SYP: variants seen among roughly 807,000 people sequenced by gnomAD.
The protein encoded by SYP is major synaptic vesicle protein P38.
A neutral mutation model predicts 24.3 loss-of-function variants in SYP; 2 were observed. That is an observed-to-expected ratio of 0.08 (90% CI 0.03 to 0.26). The LOEUF (loss-of-function observed/expected upper bound fraction) is 0.26, where lower values mean the gene tolerates loss of function less well. Ranked by LOEUF, SYP falls within the 10% of genes least tolerant of loss-of-function variation. The pLI is 1.00. For synonymous variants in SYP, 143 were observed against 123.2 expected (o/e 1.16, Z -1.07); for missense variants, 216 against 266.3 (o/e 0.81, Z 1.32).
rs1057515926 is a variant in SYP, at chrX:49,191,602, G to A, written c.777C>T (p.Pro259=). The A allele has an allele frequency of 7.4e-6, 9 of 1,208,363 alleles. No homozygotes were observed. The highest frequency in any genetic ancestry group is 6.7e-6 in the Non-Finnish European group (6 of 894,579). Residue 259 remains proline, a synonymous_variant, in exon 6 of 7, where the codon CCC becomes CCT. Transcript: ENST00000263233. ...AGGAATCCTGGGGCCCGTACCCGCC[G>A]GGGCCCTGCCCGTAGCCTGCATCGC... ...AYGDAGYGQG[P]GGYGPQDSYG... is the part of the protein sequence containing the mutation.
intron 3 of SYP, 40 bp downstream of exon 3, chrX:49,197,675 C>A: frequency 8.3e-7 from 1 of 1,199,479 alleles, no homozygotes; most frequent in Admixed American, 2.2e-5. Context: ...CCTGCCCCTT[C>A]CTCTCCCAGG....
chrX:49,194,716 T>TTC (rs2065522574), intron 3 of SYP, among the ~76,000 whole-genome samples: 1 of 91,496 alleles, frequency 1.1e-5, no homozygotes, highest in Non-Finnish European at 2.2e-5. Context: ...TTTTTTTTTT[T>TTC]TTTTTTTTTT....
chrX:49,197,992 G>A (rs1018117663), intron 2 of SYP, 153 bp from the exon 3 acceptor site: 2 of 685,893 alleles, frequency 2.9e-6, no homozygotes, highest in African/African-American at 4.4e-5. Flanking sequence ...CGGGACCAAG[G>A]ACAAGCTGAT....
At chrX:49,197,281 C>T (rs138921446) in intron 3 of SYP, 1,262 of 124,760 alleles carry the variant, frequency 0.01, 21 homozygotes, top group African/African-American at 0.039. Context: ...CTGTGCCTGG[C>T]GGGAGTTGGG....
rs1557102979 is a variant in SYP, at chrX:49,193,288, C to T, written c.599G>A (p.Gly200Glu). The T allele has an allele frequency of 8.3e-7, 1 of 1,210,738 alleles. No homozygotes were observed. Among genetic ancestry groups the T allele is most frequent in the African/African-American group, 1.7e-5 (1 of 57,477 alleles). The change falls in exon 5 of 7, where the codon GGA becomes GAA. Residue 200 changes from glycine to glutamate, a missense_variant. By Grantham distance (98) the Gly-to-Glu change is moderately conservative. Coordinates refer to ENST00000263233, the MANE Select transcript of SYP (RefSeq NM_003179.3). Reference sequence around the variant, plus strand: ...AGGGCTTACCACCGAGGTGTTGAGTCCCGAGGTCACAGGGTCTCTCAGCTC... The same window carrying T: ...AGGGCTTACCACCGAGGTGTTGAGTTCCGAGGTCACAGGGTCTCTCAGCTC... ...CKELRDPVTS[G>E]LNTSVVFGFL...
chrX:49,199,646 G>C (rs1211685852), intron 1 of SYP, among the ~76,000 whole-genome samples: 1 of 105,909 alleles, frequency 9.4e-6, no homozygotes, highest in African/African-American at 3.5e-5. Flanking sequence ...GAGGAGGCTG[G>C]GGGTTTTGGA....
At chrX:49,197,983 G>C in intron 2 of SYP, 144 bp from the exon 3 acceptor site, 2 of 757,916 alleles carry the variant, frequency 2.6e-6, no homozygotes, top group Non-Finnish European at 2.0e-6. Context: ...AGGGCTCATC[G>C]GGACCAAGGA....
chrX:49,200,109 C>T, intron 1 of SYP, 42 bp downstream of exon 1: 1 of 1,162,693 alleles, frequency 8.6e-7, no homozygotes, highest in Non-Finnish European at 1.1e-6. Context: ...GCCTAGGCAG[C>T]CGGGCGGCGG....
Position 49,197,687 on chromosome X carries a change from C to T in SYP, c.227+28G>A, listed in dbSNP as rs782420898. The stretch of plus-strand genomic sequence containing the variant: ...CACCCTGCCCCTTCCTCTCCCAGGT[C>T]TGTTGGTATCCCAGGGTGGGAGCAC... On this transcript the variant is annotated intron_variant, in intron 3 of 6. Coordinates refer to ENST00000263233, the MANE Select transcript of SYP (RefSeq NM_003179.3). 5 of 1,202,162 alleles carry T rather than the reference C, an allele frequency of 4.2e-6. No homozygotes were observed. In the African/African-American group the frequency reaches 5.3e-5, roughly 13 times the overall value.
intron 3 of SYP, among the ~76,000 whole-genome samples, chrX:49,196,700 C>CT (rs1557103372): frequency 8.9e-6 from 1 of 111,840 alleles, no homozygotes; most frequent in East Asian, 2.8e-4. Context: ...CTGTGGGTCT[C>CT]TGTCATCCCA....
chrX:49,199,926 C>CCGCTGCGGCAGTGAGGACGGCCCT (rs2065544774), intron 1 of SYP, among the ~76,000 whole-genome samples: 1 of 111,459 alleles, frequency 9.0e-6, no homozygotes, highest in African/African-American at 3.3e-5. Flanking sequence ...CCGGGGGCCC[C>CCGCTGCGGCAGTGAGGACGGCCCT]CGCTGCGGCA....
In SYP at chrX:49,191,590, C is replaced by T; in HGVS notation, c.789G>A (p.Gly263=). 5.8e-6 allele frequency: 7 copies of T among 1,209,441 alleles called. No individual in the cohort carries two copies. Among genetic ancestry groups the T allele is most frequent in the Non-Finnish European group, 7.8e-6 (7 of 894,814 alleles). Residue 263 remains glycine, a synonymous_variant, in exon 6 of 7, where the codon GGG becomes GGA. Transcript: ENST00000263233. The stretch of plus-strand genomic sequence containing the variant: ...CCTGAGGCCCGTAGGAATCCTGGGG[C>T]CCGTACCCGCCGGGGCCCTGCCCGT... ...AGYGQGPGGY[G]PQDSYGPQGG...
At chrX:49,196,806 T>C (rs1297590342) in intron 3 of SYP, among the ~76,000 whole-genome samples, 1 of 112,007 alleles carries the variant, frequency 8.9e-6, no homozygotes, top group Non-Finnish European at 1.9e-5. Flanking sequence ...CGGCACACAG[T>C]GTGAGCTCAA....
chrX:49,188,488 G>C lies in SYP; in HGVS notation c.*799C>G, dbSNP rs1490003087. 9.0e-6 allele frequency: 1 copy of C among 110,896 alleles called. No individual in the cohort carries two copies. Among genetic ancestry groups the C allele is most frequent in the East Asian group, 2.8e-4 (1 of 3,518 alleles). The allele number at this position is 110,896 out of a possible 1,213,427, so 9.1% of individuals were successfully genotyped here. A position where few individuals can be genotyped will look rare whatever the true frequency, so the allele number is the denominator to read the frequency against. On this transcript the variant is annotated 3_prime_UTR_variant, in exon 7 of 7. Coordinates refer to ENST00000263233, the MANE Select transcript of SYP (RefSeq NM_003179.3). ...GAATCCCACTTCTTGCCTTGCTCAA[G>C]ATCTGTCCCCTTTAGAATCAAGCTC...
intron 3 of SYP, among the ~76,000 whole-genome samples, chrX:49,196,056 C>T (rs2065527234): frequency 9.0e-6 from 1 of 110,584 alleles, no homozygotes; most frequent in South Asian, 3.8e-4. Flanking sequence ...CTCAGGGGGA[C>T]CCAGGGCCAA....
At chrX:49,198,901 G>A in intron 2 of SYP, 67 bp downstream of exon 2, 1 of 1,150,929 alleles carries the variant, frequency 8.7e-7, no homozygotes, top group Non-Finnish European at 1.2e-6. Context: ...CTCCACCCCT[G>A]CTCTTCTGGA....
intron 3 of SYP, among the ~76,000 whole-genome samples, chrX:49,194,675 G>T (rs2065522140): frequency 9.7e-6 from 1 of 102,911 alleles, no homozygotes; most frequent in African/African-American, 3.6e-5. Context: ...TTTTCCCCTA[G>T]ATAGCTTCGG....
At chrX:49,200,110 C>T in intron 1 of SYP, 41 bp downstream of exon 1, 2 of 1,162,640 alleles carry the variant, frequency 1.7e-6, no homozygotes, top group Non-Finnish European at 2.3e-6. Flanking sequence ...CCTAGGCAGC[C>T]GGGCGGCGGC....
rs782424574 is a variant in SYP, at chrX:49,191,691, C to T, written c.688G>A (p.Ala230Thr). Residue 230 changes from alanine to threonine, a missense_variant, in exon 6 of 7, where the codon GCC becomes ACC. Around this residue, in one of 2 missense-constraint regions of SYP, gnomAD observed 114 missense variants for 107.9 expected, o/e 1.06. Transcript: ENST00000263233. Reference sequence around the variant, plus strand: ...CCGGGAGGCGCGCGCAGGAACGGGGCGGCCCAGCCTGTCTCCTTAAACACG... The same window carrying T: ...CCGGGAGGCGCGCGCAGGAACGGGGTGGCCCAGCCTGTCTCCTTAAACACG... ...WFVFKETGWAAPFLRAPPGAP... is the reference protein window; with the variant it reads ...WFVFKETGWATPFLRAPPGAP... The T allele has an allele frequency of 4.1e-6, 5 of 1,206,188 alleles. No homozygotes were observed. The Admixed American group carries it at 8.7e-5, about 21-fold the overall frequency.
Sources: gnomAD v4.1 joint callset for allele counts (sites outside exome capture counted in the v4.1 genomes callset) on GRCh38, gnomAD v4.1.1 for gene constraint, gnomAD v4.1.1 regional missense constraint, MANE v1.5 for transcripts, NCBI Gene and HGNC (gene_info 2026-07-23, HGNC 2026-07-21) for gene names.